The following MATN2 variants were observed in gnomAD, a reference collection of about 807,000 sequenced individuals.
MATN2 encodes the protein matrilin-2.
A neutral mutation model predicts 103.2 loss-of-function variants in MATN2; 69 were observed. The ratio of observed to expected loss-of-function variants is 0.67; its 90% CI spans 0.55 to 0.82. MATN2 has a LOEUF of 0.82. MATN2 is among the 40% of genes least tolerant of loss of function. MATN2 has a pLI of 0.00. For missense variants in MATN2, 1,023 were observed against 1,211.5 expected (o/e 0.84, Z 2.31); for synonymous variants, 429 against 450.2 (o/e 0.95, Z 0.60).
intron 6 of MATN2, among the ~76,000 whole-genome samples, chr8:97,988,171 A>AAAAAATATATAT (rs1252963740): frequency 4.3e-5 from 2 of 46,116 alleles, no homozygotes; most frequent in Admixed American, 2.8e-4. Context: ...AAAAAAAAAA[A>AAAAAATATATAT]ATATATATAT....
chr8:97,968,366 C>T (rs1811550465), intron 5 of MATN2, among the ~76,000 whole-genome samples: 1 of 152,246 alleles, frequency 6.6e-6, no homozygotes, highest in Admixed American at 6.5e-5. Flanking sequence ...CCACAGCCTG[C>T]TTGTATTCCT....
rs1056161438 is a variant in MATN2, at chr8:97,982,948, G to A, written c.1081+3940G>A. Among the ~76,000 whole-genome samples the A allele has an allele frequency of 2.6e-5, 4 of 152,132 alleles. No individual in the cohort carries two copies. The highest frequency in any genetic ancestry group is 9.7e-5 in the African/African-American group (4 of 41,432). On this transcript the variant is annotated intron_variant, in intron 6 of 18. Coordinates refer to ENST00000254898, the MANE Select transcript of MATN2 (RefSeq NM_002380.5). The surrounding 1 kb of genome is among the most constrained non-coding windows in gnomAD (Gnocchi z 4.3). ...CTCCAGACCACACCCCCTGGCTGGG[G>A]TCACCTGATTTCCACCCAGCTGTAA...
intron 3 of MATN2, among the ~76,000 whole-genome samples, chr8:97,940,157 G>C (rs1298458296): frequency 1.3e-5 from 2 of 152,166 alleles, no homozygotes; most frequent in Non-Finnish European, 2.9e-5. Flanking sequence ...ATTGCACAAA[G>C]GGCTGGGTGT....
At chr8:98,022,080 C>CA (rs1463843085) in intron 13 of MATN2, among the ~76,000 whole-genome samples, 1 of 152,028 alleles carries the variant, frequency 6.6e-6, no homozygotes, top group East Asian at 1.9e-4. Flanking sequence ...TTTGTAGCAG[C>CA]AAAAAACTGG....
chr8:97,915,563 C>G (rs755311491), intron 2 of MATN2, among the ~76,000 whole-genome samples: 5 of 152,230 alleles, frequency 3.3e-5, no homozygotes, highest in Non-Finnish European at 7.3e-5. Flanking sequence ...CTCCCCTCCT[C>G]CTTCCAGGGA....
At chr8:97,875,039 C>T (rs938652597) in intron 1 of MATN2, among the ~76,000 whole-genome samples, 4 of 152,052 alleles carry the variant, frequency 2.6e-5, no homozygotes, top group Non-Finnish European at 2.9e-5. Flanking sequence ...TGAGGACGCT[C>T]GTGATTACAT....
chr8:97,892,852 T>C (rs1818676925), intron 2 of MATN2, among the ~76,000 whole-genome samples: 1 of 152,094 alleles, frequency 6.6e-6, no homozygotes, highest in Non-Finnish European at 1.5e-5. Flanking sequence ...CACTTGAGAA[T>C]GGCTGGTTTA....
chr8:97,939,233 C>T (rs749573811), intron 3 of MATN2, among the ~76,000 whole-genome samples: 8 of 152,248 alleles, frequency 5.3e-5, no homozygotes, highest in East Asian at 1.9e-4. Context: ...CCACAGCCAA[C>T]GGTAACTCCT....
chr8:97,944,081 T>C (rs1810666127), intron 4 of MATN2, among the ~76,000 whole-genome samples: 1 of 152,030 alleles, frequency 6.6e-6, no homozygotes, highest in South Asian at 2.1e-4. Context: ...CTGCCTGGAC[T>C]TCAGACAGAC....
intron 5 of MATN2, among the ~76,000 whole-genome samples, chr8:97,971,934 G>A (rs1811665086): frequency 6.6e-6 from 1 of 151,460 alleles, no homozygotes; most frequent in Admixed American, 6.6e-5. Flanking sequence ...GGTGGCTCAA[G>A]CCTGTAATCC....
chr8:97,940,466 A>G (rs564834825), intron 3 of MATN2, among the ~76,000 whole-genome samples: 1 of 152,332 alleles, frequency 6.6e-6, no homozygotes, highest in African/African-American at 2.4e-5. Context: ...TCAGAACAGT[A>G]CATTCTAAAT....
intron 7 of MATN2, among the ~76,000 whole-genome samples, chr8:97,996,701 C>A (rs1812599381): frequency 6.6e-6 from 1 of 152,164 alleles, no homozygotes; most frequent in African/African-American, 2.4e-5. Flanking sequence ...TCCATTAGGG[C>A]AGACAGCTGT....
intron 2 of MATN2, among the ~76,000 whole-genome samples, chr8:97,918,930 CTTCT>C (rs1322893472): frequency 6.6e-6 from 1 of 152,178 alleles, no homozygotes; most frequent in Non-Finnish European, 1.5e-5. Context: ...CAGTGCCTAT[CTTCT>C]TTATTTTCTG....
intron 2 of MATN2, among the ~76,000 whole-genome samples, chr8:97,912,663 G>A (rs1031620344): frequency 6.6e-6 from 1 of 152,186 alleles, no homozygotes; most frequent in Non-Finnish European, 1.5e-5. Context: ...GTGGGGAGGA[G>A]GGGCAGCTCT....
At chr8:97,968,458 A>G (rs1811554479) in intron 5 of MATN2, among the ~76,000 whole-genome samples, 1 of 152,198 alleles carries the variant, frequency 6.6e-6, no homozygotes. Flanking sequence ...TCCCTTTTAC[A>G]TATAAGTTCC....
chr8:98,007,597 T>C lies in MATN2; in HGVS notation c.1569T>C (p.Cys523=), dbSNP rs753003191. 195 of 1,609,546 alleles carry C rather than the reference T, an allele frequency of 1.2e-4. 2 individuals are homozygous for C. Among genetic ancestry groups the C allele is most frequent in the Non-Finnish European group, 8.5e-6 (10 of 1,176,374 alleles). The stretch of plus-strand genomic sequence containing the variant: ...TGCTCCGCAGCGATGGGAAGACGTG[T>C]GCAAGTAAGTGTCTGAAGGACAAGC... ...GHVLRSDGKT[C]AKLDSCALGD... is the part of the protein sequence containing the mutation. The change falls in exon 10 of 19, where the codon TGT becomes TGC. Residue 523 remains cysteine, a synonymous_variant. Coordinates refer to ENST00000254898, the MANE Select transcript of MATN2 (RefSeq NM_002380.5). This position sits in a 1 kb window ranked among gnomAD's most constrained non-coding sequence, Gnocchi z 4.2.
At chr8:97,984,336 T>C (rs1198143915) in intron 6 of MATN2, among the ~76,000 whole-genome samples, 1 of 152,258 alleles carries the variant, frequency 6.6e-6, no homozygotes, top group Non-Finnish European at 1.5e-5. Context: ...CAAATTTGGC[T>C]ACTTGCGTTC....
chr8:97,979,995 T>C (rs556707958), intron 6 of MATN2, among the ~76,000 whole-genome samples: 1 of 152,298 alleles, frequency 6.6e-6, no homozygotes, highest in East Asian at 1.9e-4. Flanking sequence ...TATGGAACTA[T>C]AAGGGACACA....
chr8:97,998,048 G>C (rs1405469547), intron 7 of MATN2, among the ~76,000 whole-genome samples: 1 of 150,880 alleles, frequency 6.6e-6, no homozygotes, highest in African/African-American at 2.4e-5. Flanking sequence ...TCAAACTCCT[G>C]GACTCAAGTG....
Sources: allele counts gnomAD v4.1 joint callset (sites outside exome capture counted in the v4.1 genomes callset), GRCh38; gene constraint gnomAD v4.1.1; non-coding constraint Gnocchi (gnomAD v3.1); transcripts MANE v1.5; gene names NCBI Gene and HGNC (gene_info 2026-07-23, HGNC 2026-07-21).